SPMAP2: variants seen among roughly 807,000 people sequenced by gnomAD.
The protein encoded by SPMAP2 is sperm microtubule associated protein 2.
At chr19:375,989 C>G in the SPMAP2 span, 1 of 1,383,978 alleles carries the variant, frequency 7.2e-7, no homozygotes, top group African/African-American at 1.5e-5. Context: ...CCCTTCCCAG[C>G]CCCCGCGGCC....
At chr19:363,310 A>G in the SPMAP2 span, among the ~76,000 whole-genome samples, 3 of 151,644 alleles carry the variant, frequency 2.0e-5, no homozygotes, top group Non-Finnish European at 2.9e-5. Context: ...CTCCTGCCTC[A>G]GCCTCCTGAG....
chr19:369,819 T>C, the SPMAP2 span, among the ~76,000 whole-genome samples: 1 of 152,160 alleles, frequency 6.6e-6, no homozygotes, highest in Admixed American at 6.5e-5. Flanking sequence ...GTGGGGGACA[T>C]TACAAAGTAC....
At chr19:373,206 G>T in the SPMAP2 span, among the ~76,000 whole-genome samples, 2 of 152,168 alleles carry the variant, frequency 1.3e-5, no homozygotes, top group Non-Finnish European at 2.9e-5. Flanking sequence ...GAAAAGCATG[G>T]AAATCATTGT....
chr19:374,969 C>A, the SPMAP2 span, among the ~76,000 whole-genome samples: 3 of 152,238 alleles, frequency 2.0e-5, no homozygotes, highest in Non-Finnish European at 4.4e-5. Flanking sequence ...CTGCTGTTTT[C>A]TCTGCAGGTT....
At chr19:372,692 G>C in the SPMAP2 span, 1 of 1,614,008 alleles carries the variant, frequency 6.2e-7, no homozygotes, top group South Asian at 1.1e-5. Flanking sequence ...TCCACGCGGC[G>C]GGACACCGCT....
At chr19:362,765 TAAAAAAAAAAAAAA>T in the SPMAP2 span, among the ~76,000 whole-genome samples, 20 of 57,484 alleles carry the variant, frequency 3.5e-4, no homozygotes, top group African/African-American at 1.1e-3. Context: ...GACTCCATCT[TAAAAAAAAAAAAAA>T]AAAAAAAAAA....
At chr19:364,121 C>T in the SPMAP2 span, among the ~76,000 whole-genome samples, 4 of 150,812 alleles carry the variant, frequency 2.7e-5, no homozygotes, top group East Asian at 5.9e-4. Context: ...ATCACAAGGT[C>T]AGGAGATCGA....
At chr19:369,232 G>A in the SPMAP2 span, among the ~76,000 whole-genome samples, 6,424 of 152,254 alleles carry the variant, frequency 0.042, 405 homozygotes, top group African/African-American at 0.13. Flanking sequence ...TTAATGCCAC[G>A]CGAGAAACGG....
At chr19:371,764 G>A in the SPMAP2 span, among the ~76,000 whole-genome samples, 1 of 152,214 alleles carries the variant, frequency 6.6e-6, no homozygotes, top group East Asian at 1.9e-4. Context: ...GAAAGCGAAG[G>A]ACAGCTGAGC....
the SPMAP2 span, chr19:367,157 G>A: frequency 3.2e-5 from 51 of 1,611,890 alleles, no homozygotes; most frequent in East Asian, 1.3e-4. Context: ...TGGGGCCTTC[G>A]GCTTTGACAA....
chr19:362,269 G>T, the SPMAP2 span: 4 of 1,594,944 alleles, frequency 2.5e-6, no homozygotes, highest in Admixed American at 3.4e-5. Flanking sequence ...TCATAGAGGC[G>T]AGGGGACGCC....
the SPMAP2 span, chr19:376,019 A>C: frequency 2.9e-6 from 4 of 1,372,044 alleles, no homozygotes; most frequent in South Asian, 2.1e-5. Flanking sequence ...CGGCACCCAA[A>C]TGTGTCTGTG....
At chr19:373,221 G>A in the SPMAP2 span, among the ~76,000 whole-genome samples, 1 of 152,302 alleles carries the variant, frequency 6.6e-6, no homozygotes, top group South Asian at 2.1e-4. Context: ...CATTGTGGAA[G>A]GGAAAGCAAA....
chr19:372,867 T>C, the SPMAP2 span, among the ~76,000 whole-genome samples: 148,476 of 152,298 alleles, frequency 0.97, 72,466 homozygotes, highest in Middle Eastern at 0.99. Context: ...AGAGAGAAGA[T>C]TTGCTGTCCC....
the SPMAP2 span, among the ~76,000 whole-genome samples, chr19:375,455 T>C: frequency 6.6e-6 from 1 of 152,186 alleles, no homozygotes; most frequent in African/African-American, 2.4e-5. Context: ...GGTGTCTGCC[T>C]CAGGGCCCAG....
chr19:373,430 G>C, the SPMAP2 span: 15 of 1,606,362 alleles, frequency 9.3e-6, 1 homozygote, highest in Non-Finnish European at 1.3e-5. Context: ...GAGGCCGGCA[G>C]CCGGGGGCAG....
chr19:369,850 C>T, the SPMAP2 span, among the ~76,000 whole-genome samples: 1 of 152,120 alleles, frequency 6.6e-6, no homozygotes, highest in Non-Finnish European at 1.5e-5. Flanking sequence ...TAGGGTGGGG[C>T]AAAAACAAAT....
At chr19:375,930 C>T in the SPMAP2 span, 18 of 1,466,568 alleles carry the variant, frequency 1.2e-5, no homozygotes, top group Non-Finnish European at 1.5e-5. Context: ...AGCCTCAGAG[C>T]TGGGCTGGTT....
the SPMAP2 span, chr19:372,737 T>C: frequency 0.093 from 149,371 of 1,604,268 alleles, 8,346 homozygotes; most frequent in African/African-American, 0.24. Flanking sequence ...TGAACCCCAG[T>C]GTCAACACCC....
Sources: gnomAD v4.1 joint callset for allele counts (sites outside exome capture counted in the v4.1 genomes callset) on GRCh38, gnomAD v4.1.1 for gene constraint, MANE v1.5 for transcripts, NCBI Gene and HGNC (gene_info 2026-07-23, HGNC 2026-07-21) for gene names.